PHLPP1: variants seen among roughly 807,000 people sequenced by gnomAD.
PHLPP1 encodes the protein PH domain leucine-rich repeat-containing protein phosphatase 1.
A neutral mutation model predicts 117.2 loss-of-function variants in PHLPP1; 42 were observed. That is an observed-to-expected ratio of 0.36 (90% CI 0.28 to 0.46). PHLPP1 has a LOEUF of 0.46. PHLPP1 is among the 20% of genes least tolerant of loss of function. The pLI is 1.00. For missense variants in PHLPP1, 2,084 were observed against 2,241.9 expected (o/e 0.93, Z 1.42); for synonymous variants, 1,042 against 970.7 (o/e 1.07, Z -1.37).
intron 11 of PHLPP1, among the ~76,000 whole-genome samples, chr18:62,944,582 T>C (rs1470664977): frequency 6.6e-6 from 1 of 152,178 alleles, no homozygotes; most frequent in Non-Finnish European, 1.5e-5. Flanking sequence ...CACCCCTTGC[T>C]CCTTACCACC....
At chr18:62,885,466 C>T (rs1315094879) in intron 4 of PHLPP1, among the ~76,000 whole-genome samples, 1 of 152,138 alleles carries the variant, frequency 6.6e-6, no homozygotes, top group Non-Finnish European at 1.5e-5. Context: ...TCGAGACCAG[C>T]CTGGCCAATA....
intron 1 of PHLPP1, among the ~76,000 whole-genome samples, chr18:62,776,690 A>G (rs1599042085): frequency 6.6e-6 from 1 of 150,900 alleles, no homozygotes; most frequent in Non-Finnish European, 1.5e-5. Context: ...GCTCATTGCA[A>G]CCTCTGCCTC....
chr18:62,945,245 G>A lies in PHLPP1; in HGVS notation c.3298G>A (p.Glu1100Lys), dbSNP rs775009348. ...AHSNCIEVFPEVMQLPEIKCV... is the reference protein window; with the variant it reads ...AHSNCIEVFPKVMQLPEIKCV... ...CTCCAACTGCATCGAGGTCTTTCCC[G>A]AAGTTATGCAGCTCCCAGAGATCAA... The change falls in exon 12 of 17, where the codon GAA becomes AAA. Residue 1100 changes from glutamate to lysine, a missense_variant. This residue lies in a region of PHLPP1 where 1,365 missense variants were observed against 1,605.9 expected (regional missense o/e 0.85). Transcript: ENST00000262719. The A allele has an allele frequency of 3.1e-5, 49 of 1,605,722 alleles. No homozygotes were observed. The highest frequency in any genetic ancestry group is 1.6e-4 in the Middle Eastern group (1 of 6,064).
At chr18:62,922,217 A>G (rs1909494071) in intron 10 of PHLPP1, among the ~76,000 whole-genome samples, 1 of 151,930 alleles carries the variant, frequency 6.6e-6, no homozygotes, top group Admixed American at 6.6e-5. Context: ...GCTCATTGCA[A>G]CCTCCACCTC....
At chr18:62,913,433 TAAAG>T (rs1917012720) in intron 8 of PHLPP1, among the ~76,000 whole-genome samples, 1 of 152,180 alleles carries the variant, frequency 6.6e-6, no homozygotes, top group Non-Finnish European at 1.5e-5. Context: ...ATTGCAAAAT[TAAAG>T]AACATAAATA....
rs113063551 is a variant in PHLPP1, at chr18:62,716,495, T to C, written c.812T>C (p.Leu271Pro). 4 of 1,208,312 alleles carry C rather than the reference T, an allele frequency of 3.3e-6. No homozygotes were observed. In the African/African-American group the frequency reaches 4.8e-5, roughly 14 times the overall value. 74.8% of individuals were successfully genotyped at this position (1,208,312 alleles called of 1,614,324 possible). ...CCGCCCCCCGAGGCCGGCCCCCGGC[T>C]GGCGCCCCCGGAGCCGCGGGACTCG... ...AEPPPEAGPR[L>P]APPEPRDSEV... The change falls in exon 1 of 17, where the codon CTG (leucine) becomes CCG (proline). Residue 271 changes from leucine (L) to proline (P), a missense_variant. This residue lies in a region of PHLPP1 where 719 missense variants were observed against 636.0 expected (regional missense o/e 1.13). Coordinates refer to ENST00000262719, the MANE Select transcript of PHLPP1 (RefSeq NM_194449.4). The surrounding 1 kb of genome is among the most constrained non-coding windows in gnomAD (Gnocchi z 5.7).
Position 62,978,682 on chromosome 18 carries a change from T to G in PHLPP1, c.4405T>G (p.Ser1469Ala). The part of the protein sequence containing the change: ...RPSDGLGVPS[S>A]SSGMASEISS... Reference sequence around the variant, plus strand: ...CTCAGATGGGCTGGGCGTGCCGTCCTCCAGCAGCGGCATGGCTTCCGAGAT... The same window carrying G: ...CTCAGATGGGCTGGGCGTGCCGTCCGCCAGCAGCGGCATGGCTTCCGAGAT... The change falls in exon 17 of 17, where the codon TCC (serine) becomes GCC (alanine). Residue 1469 changes from serine to alanine, a missense_variant. Ser to Ala is a moderately conservative substitution (Grantham distance 99, BLOSUM62 1). This residue lies in a region of PHLPP1 where 1,365 missense variants were observed against 1,605.9 expected (regional missense o/e 0.85). Transcript: ENST00000262719. This position sits in a 1 kb window ranked among gnomAD's most constrained non-coding sequence, Gnocchi z 7.0. The G allele has an allele frequency of 1.9e-6, 3 of 1,613,846 alleles. No individual in the cohort carries two copies. Among genetic ancestry groups the G allele is most frequent in the Non-Finnish European group, 2.5e-6 (3 of 1,179,862 alleles).
intron 1 of PHLPP1, among the ~76,000 whole-genome samples, chr18:62,720,937 A>G (rs1253474968): frequency 1.3e-5 from 2 of 152,170 alleles, no homozygotes; most frequent in African/African-American, 4.8e-5. Flanking sequence ...GGAGAAACTG[A>G]TGCACAGAGA....
intron 11 of PHLPP1, among the ~76,000 whole-genome samples, chr18:62,943,699 G>A (rs1038553706): frequency 1.3e-5 from 2 of 152,128 alleles, no homozygotes; most frequent in Non-Finnish European, 2.9e-5. Context: ...CCATTCATGT[G>A]GTATCTGCCC....
intron 4 of PHLPP1, among the ~76,000 whole-genome samples, chr18:62,887,144 TGATA>T (rs1342933099): frequency 6.6e-6 from 1 of 152,058 alleles, no homozygotes; most frequent in Non-Finnish European, 1.5e-5. Context: ...GAATTATGAG[TGATA>T]GATATTTATT....
rs748432761 is a variant in PHLPP1 at position 62,864,860 on chromosome 18, G to GA, written c.2066+4265dup. 1.6e-3 allele frequency among the ~76,000 whole-genome samples: 240 copies of GA among 152,198 alleles called. 3 individuals carry two copies. The highest frequency in any genetic ancestry group is 3.4e-3 in the Middle Eastern group (1 of 294). On this transcript the variant is annotated intron_variant, in intron 4 of 16. Coordinates refer to ENST00000262719, the MANE Select transcript of PHLPP1 (RefSeq NM_194449.4). ...TAAGTAGGATTAGTCTAAATTGCAG[G>GA]AAAAAACCTCAAAAACAACTGATAC...
chr18:62,880,258 A>G (rs1481082195), intron 4 of PHLPP1, among the ~76,000 whole-genome samples: 1 of 151,012 alleles, frequency 6.6e-6, no homozygotes, highest in Non-Finnish European at 1.5e-5. Context: ...TATTTGTTAT[A>G]TGGTGTTTAG....
At chr18:62,742,466 CTCT>C (rs983554338) in intron 1 of PHLPP1, among the ~76,000 whole-genome samples, 170 of 151,968 alleles carry the variant, frequency 1.1e-3, no homozygotes, top group African/African-American at 3.9e-3. Context: ...TGGAGTCTTG[CTCT>C]GTCGCCCAGG....
chr18:62,796,775 TA>T lies in PHLPP1; in HGVS notation c.1577-33255del, dbSNP rs1913640758. Reference sequence around the variant, plus strand: ...TGATTATTCTTTCTGGAAAATTTGTTAAAAACATGAACAAAGTGCTGTTTTG... The same window carrying T: ...TGATTATTCTTTCTGGAAAATTTGTTAAAACATGAACAAAGTGCTGTTTTG... On this transcript the variant is annotated intron_variant, in intron 1 of 16. Transcript: ENST00000262719. 1.3e-5 allele frequency among the ~76,000 whole-genome samples: 2 copies of T among 152,346 alleles called. 1 individual carries two copies. The highest frequency in any genetic ancestry group is 1.3e-4 in the Admixed American group (2 of 15,312).
intron 1 of PHLPP1, among the ~76,000 whole-genome samples, chr18:62,721,755 G>T (rs1467653269): frequency 6.6e-6 from 1 of 152,088 alleles, no homozygotes. Flanking sequence ...AAAGTTTTAG[G>T]TTGAAAGTTT....
At chr18:62,789,727 G>C (rs1913402115) in intron 1 of PHLPP1, among the ~76,000 whole-genome samples, 1 of 152,080 alleles carries the variant, frequency 6.6e-6, no homozygotes, top group African/African-American at 2.4e-5. Flanking sequence ...TGTTTGGAAT[G>C]CACCTTTTTA....
intron 3 of PHLPP1, chr18:62,839,226 A>G (rs762238859): frequency 9.3e-6 from 2 of 216,206 alleles, no homozygotes; most frequent in South Asian, 1.2e-4. Flanking sequence ...TAAGACAACT[A>G]TAAAACCACA....
At chr18:62,746,539 G>T (rs925136250) in intron 1 of PHLPP1, among the ~76,000 whole-genome samples, 1 of 152,108 alleles carries the variant, frequency 6.6e-6, no homozygotes, top group African/African-American at 2.4e-5. Context: ...TTGCCCAAAT[G>T]ATTTTAGCTT....
At chr18:62,923,661 T>G (rs17746008) in intron 10 of PHLPP1, among the ~76,000 whole-genome samples, 17,575 of 152,172 alleles carry the variant, frequency 0.12, 1,060 homozygotes, top group Middle Eastern at 0.2. Context: ...ACCTCAATAA[T>G]GGAAATTTTT....
Sources: gnomAD v4.1 joint callset for allele counts (sites outside exome capture counted in the v4.1 genomes callset) on GRCh38, gnomAD v4.1.1 for gene constraint, gnomAD v4.1.1 regional missense constraint, Gnocchi (gnomAD v3.1) non-coding constraint, MANE v1.5 for transcripts, NCBI Gene and HGNC (gene_info 2026-07-23, HGNC 2026-07-21) for gene names.